The following MTMR10 variants were observed in gnomAD, a reference collection of about 807,000 sequenced individuals.
MTMR10 encodes myotubularin related protein 10.
MTMR10 carries 56 observed loss-of-function variants against 88.1 expected under a neutral mutation model. The ratio of observed to expected loss-of-function variants is 0.64; its 90% CI spans 0.51 to 0.79. The LOEUF is 0.79. MTMR10 is among the 30% of genes least tolerant of loss of function. The pLI is 0.00. For synonymous variants in MTMR10, 380 were observed against 340.9 expected (o/e 1.11, Z -1.26); for missense variants, 883 against 924.7 (o/e 0.95, Z 0.58).
chr15:30,973,461 C>T (rs2029882234), intron 5 of MTMR10, among the ~76,000 whole-genome samples: 1 of 152,090 alleles, frequency 6.6e-6, no homozygotes, highest in Admixed American at 6.6e-5. Flanking sequence ...TTTTGCCAGC[C>T]TTGTTTTGGT....
intron 5 of MTMR10, among the ~76,000 whole-genome samples, chr15:30,970,839 G>A (rs1030743382): frequency 2.0e-5 from 3 of 152,132 alleles, no homozygotes; most frequent in African/African-American, 7.2e-5. Context: ...AAGCATCTAC[G>A]CTGAAAGAAG....
chr15:30,934,024 A>G (rs979609993), downstream of MTMR10, among the ~76,000 whole-genome samples: 2 of 152,112 alleles, frequency 1.3e-5, no homozygotes, highest in Non-Finnish European at 1.5e-5. Flanking sequence ...TGCTGAGAGT[A>G]TACCGTGCCC....
intron 13 of MTMR10, 50 bp from the exon 14 acceptor site, chr15:30,947,350 G>A (rs754363751): frequency 2.6e-6 from 4 of 1,560,892 alleles, no homozygotes; most frequent in African/African-American, 1.4e-5. Flanking sequence ...TCCTTCAGCC[G>A]TTCACATTTA....
the MTMR10 span, chr15:30,926,701 G>A: frequency 1.0e-6 from 1 of 985,384 alleles, no homozygotes; most frequent in South Asian, 4.7e-5. Flanking sequence ...AGAATAGAAT[G>A]CACATTCAAG....
At chr15:30,966,070 T>C (rs1444007192) in intron 6 of MTMR10, 1 of 454,786 alleles carries the variant, frequency 2.2e-6, no homozygotes, top group Non-Finnish European at 4.4e-6. Flanking sequence ...TATTAAAGGA[T>C]GTTACCCTAC....
intron 2 of MTMR10, among the ~76,000 whole-genome samples, chr15:30,984,147 T>G (rs1362006565): frequency 6.6e-6 from 1 of 152,186 alleles, no homozygotes; most frequent in African/African-American, 2.4e-5. Flanking sequence ...GGTACAGTGT[T>G]AGCAAATTAC....
the MTMR10 span, chr15:30,929,313 G>A: frequency 2.5e-6 from 4 of 1,612,446 alleles, no homozygotes; most frequent in African/African-American, 5.4e-5. Flanking sequence ...TGCGGGCCTG[G>A]GTGGCAGCCA....
intron 11 of MTMR10, among the ~76,000 whole-genome samples, chr15:30,952,295 A>C (rs1465597313): frequency 6.6e-6 from 1 of 152,254 alleles, no homozygotes; most frequent in African/African-American, 2.4e-5. Context: ...TACTGAATGC[A>C]CATAGCTTTC....
intron 6 of MTMR10, among the ~76,000 whole-genome samples, chr15:30,962,307 T>C (rs1383259479): frequency 2.0e-5 from 3 of 152,226 alleles, no homozygotes; most frequent in African/African-American, 4.8e-5. Flanking sequence ...TGGTGACAGA[T>C]GGCACAACCC....
chr15:30,977,797 T>C lies in MTMR10; in HGVS notation c.122-842A>G, dbSNP rs568201171. Among the ~76,000 whole-genome samples the C allele has an allele frequency of 5.9e-5, 9 of 152,334 alleles. No individual in the cohort carries two copies. In the South Asian group the frequency reaches 1.4e-3, roughly 25 times the overall value. ...TACCAATTCATGAAGAATGGAACTA[T>C]AGTCTCAAAACAATCCTCTCTTTAA... On this transcript the variant is annotated intron_variant, in intron 2 of 15. Coordinates refer to ENST00000435680, the MANE Select transcript of MTMR10 (RefSeq NM_017762.3).
In MTMR10 at chr15:30,940,043, T is replaced by TTATC; in HGVS notation, c.*1423_*1426dup. 2 of 978,972 alleles carry TTATC rather than the reference T, an allele frequency of 2.0e-6. No individual in the cohort carries two copies. Among genetic ancestry groups the TTATC allele is most frequent in the South Asian group, 9.5e-5 (2 of 21,134 alleles). The allele number at this position is 978,972 out of a possible 1,614,324, so 60.6% of individuals were successfully genotyped here. A position where few individuals can be genotyped will look rare whatever the true frequency, so the allele number is the denominator to read the frequency against. ...CAGTACATATAAAGGTAAAATACAGTTATCTTGAAAACACTTGTTTTAGAA... is the reference window on the plus strand; with the variant it reads ...CAGTACATATAAAGGTAAAATACAGTTATCTATCTTGAAAACACTTGTTTTAGAA... On this transcript the variant is annotated 3_prime_UTR_variant, in exon 16 of 16. Transcript: ENST00000435680.
chr15:30,976,125 TAGCTGGGTGCAGTG>T (rs2030129376), intron 3 of MTMR10, among the ~76,000 whole-genome samples: 1 of 144,520 alleles, frequency 6.9e-6, no homozygotes, highest in Non-Finnish European at 1.5e-5. Flanking sequence ...AAAAAAAAGG[TAGCTGGGTGCAGTG>T]GCCTGTACTC....
the MTMR10 span, chr15:30,930,668 T>C: frequency 6.2e-7 from 1 of 1,612,704 alleles, no homozygotes; most frequent in Non-Finnish European, 8.5e-7. Flanking sequence ...GCCGTCACTT[T>C]AAGGTCAGTT....
At position 30,946,596 on chromosome 15, in the gene MTMR10, G is replaced by A. The variant is rs142687436; in HGVS notation, c.1548+534C>T. The A allele has an allele frequency of 2.4e-5, 15 of 624,446 alleles. No individual in the cohort carries two copies. In the East Asian group the frequency reaches 2.5e-4, roughly 10 times the overall value. The allele number at this position is 624,446 out of a possible 1,614,324, so 38.7% of individuals were successfully genotyped here. ...TTCTGTTTCTCTCAATGGTCTCCAC[G>A]GCATTTGTCAGCTTCTGTTGTTGGT... On this transcript the variant is annotated intron_variant, in intron 14 of 15. Transcript: ENST00000435680.
intron 14 of MTMR10, 118 bp from the exon 15 acceptor site, chr15:30,943,190 C>G: frequency 7.0e-7 from 1 of 1,419,940 alleles, no homozygotes; most frequent in East Asian, 2.6e-5. Flanking sequence ...CCCTCAAAAC[C>G]CACCAGAGTG....
chr15:30,945,679 C>G (rs75869832), intron 14 of MTMR10, among the ~76,000 whole-genome samples: 4,352 of 152,316 alleles, frequency 0.029, 138 homozygotes, highest in East Asian at 0.11. Flanking sequence ...AAAATAAAAA[C>G]AAGCAACTGG....
chr15:30,961,551 T>A (rs2063402684), intron 6 of MTMR10, among the ~76,000 whole-genome samples: 1 of 152,076 alleles, frequency 6.6e-6, no homozygotes, highest in South Asian at 2.1e-4. Flanking sequence ...TAAAAATAAC[T>A]CATTTAGTCT....
rs1198199731 is a variant in MTMR10 at position 30,948,284 on chromosome 15, G to C, written c.1377+18C>G. 1.0e-5 allele frequency: 16 copies of C among 1,599,014 alleles called. No homozygotes were observed. The highest frequency in any genetic ancestry group is 1.4e-5 in the African/African-American group (1 of 74,022). On this transcript the variant is annotated intron_variant, in intron 13 of 15. Transcript: ENST00000435680. ...TGTATCCTTAAAGACTGATAAAAAGGCATCAAGATTTTGTTACCTCTTTCT... is the reference window on the plus strand; with the variant it reads ...TGTATCCTTAAAGACTGATAAAAAGCCATCAAGATTTTGTTACCTCTTTCT...
chr15:30,936,658 GT>G (rs34999272), downstream of MTMR10, among the ~76,000 whole-genome samples: 98,949 of 151,736 alleles, frequency 0.65, 32,792 homozygotes, highest in East Asian at 0.99. Flanking sequence ...TGAAAATATT[GT>G]TAAGTTGAAA....
Sources: gnomAD v4.1 joint callset for allele counts (sites outside exome capture counted in the v4.1 genomes callset) on GRCh38, gnomAD v4.1.1 for gene constraint, MANE v1.5 for transcripts, NCBI Gene and HGNC (gene_info 2026-07-23, HGNC 2026-07-21) for gene names.